The following RPH3AL variants were observed in gnomAD, a reference collection of about 807,000 sequenced individuals.
The protein encoded by RPH3AL is rabphilin 3A like (without C2 domains), also known as rab effector Noc2.
In RPH3AL, 38 loss-of-function variants were observed where a neutral mutation model predicts 43.1. The ratio of observed to expected loss-of-function variants is 0.88; its 90% CI spans 0.68 to 1.15. The LOEUF (loss-of-function observed/expected upper bound fraction) is 1.15. Among genes scored for constraint, RPH3AL ranks in the 50% most tolerant of loss-of-function variants. RPH3AL has a pLI of 0.00. For synonymous variants in RPH3AL, 189 were observed against 176.3 expected, an observed-to-expected ratio of 1.07 and a Z score of -0.57; for missense variants, 462 against 423.2, an observed-to-expected ratio of 1.09 and a Z score of -0.81.
At position 333,098 on chromosome 17, in the gene RPH3AL, G is replaced by A. The variant is rs769257847; in HGVS notation, c.-37+661C>T. 49 of 1,283,352 alleles carry A rather than the reference G, an allele frequency of 3.8e-5. 1 individual carries two copies. Among genetic ancestry groups the A allele is most frequent in the African/African-American group, 2.7e-4 (18 of 65,538 alleles). 79.5% of individuals were successfully genotyped at this position (1,283,352 alleles called of 1,614,324 possible). ...TCTAAAGTCGAGAGCTCACCACCCC[G>A]GGCGTTCGTCACTGCAGACATCACT... On this transcript the variant is annotated intron_variant, in intron 2 of 9. Transcript: ENST00000331302. The surrounding 1 kb of genome is among the most constrained non-coding windows in gnomAD (Gnocchi z 4.5).
At chr17:316,573 A>C (rs2044211948) in intron 5 of RPH3AL, among the ~76,000 whole-genome samples, 3 of 125,914 alleles carry the variant, frequency 2.4e-5, no homozygotes, top group African/African-American at 3.1e-5. Flanking sequence ...CCTGTGCCCC[A>C]CCTCCATTGA....
chr17:282,774 T>G (rs2042812259), intron 5 of RPH3AL, among the ~76,000 whole-genome samples: 1 of 152,218 alleles, frequency 6.6e-6, no homozygotes, highest in Admixed American at 6.5e-5. Context: ...ATTCTGTGGC[T>G]GCTAGGCCAC....
intron 6 of RPH3AL, among the ~76,000 whole-genome samples, chr17:256,065 T>C (rs1336823440): frequency 2.6e-5 from 1 of 39,082 alleles, no homozygotes; most frequent in African/African-American, 8.3e-5. Flanking sequence ...GCACGGCGTC[T>C]GTCCTTTTCC....
chr17:326,134 C>T (rs1219623970), intron 3 of RPH3AL, among the ~76,000 whole-genome samples: 2 of 152,214 alleles, frequency 1.3e-5, no homozygotes, highest in African/African-American at 2.4e-5. Flanking sequence ...ATCTGCCTGG[C>T]GTCAGAGGAC....
intron 5 of RPH3AL, among the ~76,000 whole-genome samples, chr17:315,471 C>CG (rs1567510338): frequency 0.078 from 818 of 10,536 alleles, 1 homozygote; most frequent in Middle Eastern, 0.14. Context: ...AGTCCCTGTG[C>CG]TCCCACCTCC....
chr17:268,558 T>TTTTG (rs2042377407), intron 6 of RPH3AL, among the ~76,000 whole-genome samples: 2 of 128,356 alleles, frequency 1.6e-5, no homozygotes, highest in Non-Finnish European at 3.3e-5. Context: ...TTTGGGTTTT[T>TTTTG]TTTTTTTTTT....
chr17:248,002 G>C (rs1469895247), intron 6 of RPH3AL, among the ~76,000 whole-genome samples: 3 of 148,096 alleles, frequency 2.0e-5, no homozygotes, highest in African/African-American at 7.6e-5. Flanking sequence ...GTACCTGCAG[G>C]CACCTCACCC....
At chr17:262,007 A>G (rs2042206537) in intron 6 of RPH3AL, 1 of 152,240 alleles carries the variant, frequency 6.6e-6, no homozygotes, top group Non-Finnish European at 1.5e-5. Context: ...TAAGAAACAC[A>G]GTCAATAAAA....
At chr17:223,239 C>T (rs373459141) in intron 7 of RPH3AL, among the ~76,000 whole-genome samples, 5 of 150,880 alleles carry the variant, frequency 3.3e-5, no homozygotes, top group East Asian at 1.9e-4. Context: ...TTTCATGAAA[C>T]AATTGTCTCT....
In RPH3AL at chr17:281,868, G is replaced by A; in HGVS notation, c.352-14C>T. On this transcript the variant is annotated splice_polypyrimidine_tract_variant and intron_variant, in intron 5 of 9. Transcript: ENST00000331302. ...GGTGCAGACTTTCTACAAGAGAGAG[G>A]ACATGGGGTTGTAAAGATTGCAGCC... The A allele has an allele frequency of 6.2e-7, 1 of 1,607,974 alleles. No homozygotes were observed. The highest frequency in any genetic ancestry group is 1.3e-5 in the African/African-American group (1 of 74,926).
Position 283,901 on chromosome 17 carries a change from G to A in RPH3AL, c.352-2047C>T, listed in dbSNP as rs990846479. 2.0e-5 allele frequency among the ~76,000 whole-genome samples: 3 copies of A among 152,166 alleles called. No individual in the cohort carries two copies. The highest frequency in any genetic ancestry group is 7.2e-5 in the African/African-American group (3 of 41,436). Reference sequence around the variant, plus strand: ...AACAGGGTCCCCCATCAGCCTATGAGGTGGGCTCCAGAACCACAACGTGGG... The same window carrying A: ...AACAGGGTCCCCCATCAGCCTATGAAGTGGGCTCCAGAACCACAACGTGGG... On this transcript the variant is annotated intron_variant, in intron 5 of 9. Transcript: ENST00000331302. The surrounding 1 kb of genome is among the most constrained non-coding windows in gnomAD (Gnocchi z 4.2).
intron 5 of RPH3AL, among the ~76,000 whole-genome samples, chr17:315,006 C>T (rs1483638600): frequency 2.5e-4 from 37 of 149,994 alleles, no homozygotes; most frequent in Non-Finnish European, 4.9e-4. Context: ...GACCTGTAGT[C>T]TCTGTGCTCC....
intron 1 of RPH3AL, among the ~76,000 whole-genome samples, chr17:351,671 A>G (rs1477078867): frequency 6.6e-6 from 1 of 152,186 alleles, no homozygotes; most frequent in Non-Finnish European, 1.5e-5. Flanking sequence ...TGGCTCCCGT[A>G]CGATTCTTTA....
chr17:335,032 G>A (rs966508593), intron 1 of RPH3AL, among the ~76,000 whole-genome samples: 1 of 152,224 alleles, frequency 6.6e-6, no homozygotes, highest in South Asian at 2.1e-4. Flanking sequence ...CAGACTCCTA[G>A]GGTGTGGCAC....
intron 7 of RPH3AL, among the ~76,000 whole-genome samples, chr17:229,758 G>T (rs895034628): frequency 6.6e-6 from 1 of 152,138 alleles, no homozygotes; most frequent in African/African-American, 2.4e-5. Context: ...CCACCTCCGG[G>T]CCAGGGTGCA....
intron 8 of RPH3AL, among the ~76,000 whole-genome samples, chr17:219,289 C>G (rs555334177): frequency 6.7e-6 from 1 of 148,284 alleles, no homozygotes; most frequent in Non-Finnish European, 1.5e-5. Context: ...ACCTCCACCC[C>G]CTGGATTCAG....
At chr17:294,187 T>TGTGAGGA (rs1335865711) in intron 5 of RPH3AL, among the ~76,000 whole-genome samples, 1 of 151,320 alleles carries the variant, frequency 6.6e-6, no homozygotes, top group Non-Finnish European at 1.5e-5. Flanking sequence ...AGGTGTGAGG[T>TGTGAGGA]GTGAGGAGTG....
rs567632006 is a variant in RPH3AL at position 324,695 on chromosome 17, C to T, written c.77+2772G>A. 8.1e-4 allele frequency among the ~76,000 whole-genome samples: 108 copies of T among 132,900 alleles called. No homozygotes were observed. In the Middle Eastern group the frequency reaches 0.011, roughly 14 times the overall value. The allele number at this position is 132,900 out of a possible 152,430, so 87.2% of individuals were successfully genotyped here. A position where few individuals can be genotyped will look rare whatever the true frequency, so the allele number is the denominator to read the frequency against. On this transcript the variant is annotated intron_variant, in intron 3 of 9. Transcript: ENST00000331302. ...TCTTTCTATCTTTCTATCTATCTAG[C>T]TAGCTAGCTATGTACCTATCTATCT...
chr17:243,056 C>CCCTCCTCTATTGATTA (rs1555537858), intron 7 of RPH3AL, among the ~76,000 whole-genome samples: 7 of 121,520 alleles, frequency 5.8e-5, no homozygotes, highest in Non-Finnish European at 1.0e-4. Context: ...CTATTGATTA[C>CCCTCCTCTATTGATTA]CCTTCCTCTA....
Sources: gnomAD v4.1 joint callset for allele counts (sites outside exome capture counted in the v4.1 genomes callset) on GRCh38, gnomAD v4.1.1 for gene constraint, Gnocchi (gnomAD v3.1) non-coding constraint, MANE v1.5 for transcripts, NCBI Gene and HGNC (gene_info 2026-07-23, HGNC 2026-07-21) for gene names.